The following SPRING1 variants were observed in gnomAD, a reference collection of about 807,000 sequenced individuals.
SPRING1 encodes the protein SREBF pathway regulator in golgi 1.
SPRING1 carries 14 observed loss-of-function variants against 24.7 expected under a neutral mutation model. The ratio of observed to expected loss-of-function variants is 0.57; its 90% confidence interval spans 0.37 to 0.88. SPRING1 has a LOEUF of 0.88. Ranked by LOEUF, SPRING1 falls within the 40% of genes least tolerant of loss-of-function variation. The pLI is 0.00. For synonymous variants in SPRING1, 93 were observed against 106.1 expected (o/e 0.88, Z 0.76); for missense variants, 255 against 268.4 (o/e 0.95, Z 0.35).
At chr12:116,735,645 A>G (rs189712170) in intron 1 of SPRING1, among the ~76,000 whole-genome samples, 40 of 152,106 alleles carry the variant, frequency 2.6e-4, no homozygotes, top group South Asian at 2.1e-3. Flanking sequence ...GGCAGGGAGA[A>G]CTGCTTGAAC....
At chr12:116,737,603 G>A (rs1368692394) in intron 1 of SPRING1, among the ~76,000 whole-genome samples, 187 bp downstream of exon 1, 2 of 147,502 alleles carry the variant, frequency 1.4e-5, no homozygotes, top group African/African-American at 2.5e-5. Flanking sequence ...TAAGGAAGGA[G>A]GGGAGGTAGG....
At chr12:116,737,535 GA>G (rs1871307098) in intron 1 of SPRING1, among the ~76,000 whole-genome samples, 1 of 7,976 alleles carries the variant, frequency 1.3e-4, no homozygotes, top group Non-Finnish European at 3.0e-4. Context: ...GAAGGAGGAG[GA>G]AGGTGAGGAA....
At position 116,728,867 on chromosome 12, in the gene SPRING1, C is replaced by T. The variant is rs1870837290; in HGVS notation, c.112-5644G>A. On this transcript the variant is annotated intron_variant, in intron 1 of 4. Transcript: ENST00000261318. This position sits in a 1 kb window ranked among gnomAD's most constrained non-coding sequence, Gnocchi z 4.2. ...GCATGCAGGAGCGCCTCTGCCAGAG[C>T]ACCCAGGACAGCGGGGCTCAAAAGC... Among the ~76,000 whole-genome samples the T allele has an allele frequency of 6.6e-6, 1 of 152,230 alleles. No individual in the cohort carries two copies. The highest frequency in any genetic ancestry group is 6.5e-5 in the Admixed American group (1 of 15,282).
chr12:116,718,092 A>T (rs1870247858), intron 4 of SPRING1, among the ~76,000 whole-genome samples, 199 bp from the exon 5 acceptor site: 1 of 152,220 alleles, frequency 6.6e-6, no homozygotes, highest in Non-Finnish European at 1.5e-5. Flanking sequence ...GCCAATGAAG[A>T]GCATGAACAC....
intron 3 of SPRING1, 61 bp from the exon 4 acceptor site, chr12:116,719,937 G>GT: frequency 7.1e-7 from 1 of 1,412,078 alleles, no homozygotes; most frequent in Non-Finnish European, 1.0e-6. Context: ...GGTGACCTTG[G>GT]CTATCTCTCC....
At chr12:116,731,901 T>C (rs979334980) in intron 1 of SPRING1, among the ~76,000 whole-genome samples, 1 of 152,160 alleles carries the variant, frequency 6.6e-6, no homozygotes, top group Non-Finnish European at 1.5e-5. Context: ...TGAGGCCCCC[T>C]CTCAGCACAT....
chr12:116,727,222 C>T (rs1039936338), intron 1 of SPRING1, among the ~76,000 whole-genome samples: 1 of 152,154 alleles, frequency 6.6e-6, no homozygotes, highest in African/African-American at 2.4e-5. Flanking sequence ...CAGAGATGAA[C>T]GGCAGTCTGG....
At chr12:116,718,061 G>A (rs1343844445) in intron 4 of SPRING1, among the ~76,000 whole-genome samples, 168 bp from the exon 5 acceptor site, 1 of 152,182 alleles carries the variant, frequency 6.6e-6, no homozygotes, top group Non-Finnish European at 1.5e-5. Flanking sequence ...CTGGAACAAA[G>A]AAGAATGCTC....
intron 1 of SPRING1, among the ~76,000 whole-genome samples, chr12:116,732,368 G>A (rs917299523): frequency 6.6e-6 from 1 of 152,106 alleles, no homozygotes. Context: ...TTAAGCTCAG[G>A]GGTTCAATAC....
intron 1 of SPRING1, among the ~76,000 whole-genome samples, chr12:116,737,339 G>A (rs766680762): frequency 6.6e-6 from 1 of 152,050 alleles, no homozygotes; most frequent in Non-Finnish European, 1.5e-5. Flanking sequence ...GGGAAGGAAG[G>A]AGGAAGAACG....
At chr12:116,727,652 A>C (rs903061282) in intron 1 of SPRING1, among the ~76,000 whole-genome samples, 6 of 152,222 alleles carry the variant, frequency 3.9e-5, no homozygotes, top group Non-Finnish European at 7.3e-5. Flanking sequence ...CTGATAATGG[A>C]AATTTTTAGT....
chr12:116,715,201 T>G lies in SPRING1; in HGVS notation c.*2609A>C, dbSNP rs895111015. The G allele has an allele frequency of 3.3e-5, 5 of 152,218 alleles. No homozygotes were observed. Among genetic ancestry groups the G allele is most frequent in the Admixed American group, 6.5e-5 (1 of 15,278 alleles). 9.4% of individuals were successfully genotyped at this position (152,218 alleles called of 1,614,324 possible). A position where few individuals can be genotyped will look rare whatever the true frequency, so the allele number is the denominator to read the frequency against. The stretch of plus-strand genomic sequence containing the variant: ...CACCTGCCTCAGCCTTCCAAAGTGC[T>G]GGGATTACAGGCATAAGCCACCACG... On this transcript the variant is annotated 3_prime_UTR_variant, in exon 5 of 5. Coordinates refer to ENST00000261318, the MANE Select transcript of SPRING1 (RefSeq NM_024738.4).
rs1869871463 is a variant in SPRING1, at chr12:116,711,503, C to G, written c.*6307G>C. On this transcript the variant is annotated 3_prime_UTR_variant, in exon 5 of 5. Transcript: ENST00000261318. Reference sequence around the variant, plus strand: ...CGAGCCCAGATCGTGCCACTGCACTCCAGCCTGGGCGATGGAACGAGAATC... The same window carrying G: ...CGAGCCCAGATCGTGCCACTGCACTGCAGCCTGGGCGATGGAACGAGAATC... The G allele has an allele frequency of 6.6e-6, 1 of 152,196 alleles. No individual in the cohort carries two copies. The highest frequency in any genetic ancestry group is 2.1e-4 in the South Asian group (1 of 4,812). The allele number at this position is 152,196 out of a possible 1,614,324, so 9.4% of individuals were successfully genotyped here. A position where few individuals can be genotyped will look rare whatever the true frequency, so the allele number is the denominator to read the frequency against.
At chr12:116,731,247 G>A (rs959910182) in intron 1 of SPRING1, among the ~76,000 whole-genome samples, 18 of 152,290 alleles carry the variant, frequency 1.2e-4, no homozygotes, top group Admixed American at 6.5e-4. Context: ...GTCTGCTGCC[G>A]CTGCTTTGAC....
At chr12:116,737,744 A>C (rs1871340508) in intron 1 of SPRING1, 46 bp downstream of exon 1, 13 of 1,411,280 alleles carry the variant, frequency 9.2e-6, no homozygotes, top group Non-Finnish European at 1.2e-5. Context: ...AAGGGGGAGG[A>C]AGGAAGGAAG....
At position 116,737,772 on chromosome 12, in the gene SPRING1, G is replaced by C; in HGVS notation, c.111+18C>G. 6.6e-7 allele frequency: 1 copy of C among 1,518,794 alleles called. No individual in the cohort carries two copies. Among genetic ancestry groups the C allele is most frequent in the Non-Finnish European group, 8.9e-7 (1 of 1,121,794 alleles). The allele number at this position is 1,518,794 out of a possible 1,614,324, so 94.1% of individuals were successfully genotyped here. On this transcript the variant is annotated intron_variant, in intron 1 of 4. Coordinates refer to ENST00000261318, the MANE Select transcript of SPRING1 (RefSeq NM_024738.4). ...GAAGGAAGAAGGGAAGGGGAGGAGG[G>C]GAAGGGCGGCCACTGACCTGCTTGA...
chr12:116,723,261 G>C (rs773101225), intron 1 of SPRING1, 38 bp from the exon 2 acceptor site: 1 of 1,604,880 alleles, frequency 6.2e-7, no homozygotes, highest in South Asian at 1.1e-5. Context: ...TAAGTATCCA[G>C]TATCCTTTCT....
Position 116,720,034 on chromosome 12 carries a change from C to T in SPRING1, c.421-158G>A, listed in dbSNP as rs1870347861. 1.4e-6 allele frequency: 1 copy of T among 712,508 alleles called. No individual in the cohort carries two copies. The highest frequency in any genetic ancestry group is 1.9e-5 in the South Asian group (1 of 52,710). The allele number at this position is 712,508 out of a possible 1,614,324, so 44.1% of individuals were successfully genotyped here. A position where few individuals can be genotyped will look rare whatever the true frequency, so the allele number is the denominator to read the frequency against. On this transcript the variant is annotated intron_variant, in intron 3 of 4. Coordinates refer to ENST00000261318, the MANE Select transcript of SPRING1 (RefSeq NM_024738.4). This position sits in a 1 kb window ranked among gnomAD's most constrained non-coding sequence, Gnocchi z 4.0. Reference sequence around the variant, plus strand: ...AAGGACACACGCGTGCACACACGTGCATGCCAAAACACCCTGGGTATCTTA... The same window carrying T: ...AAGGACACACGCGTGCACACACGTGTATGCCAAAACACCCTGGGTATCTTA...
In SPRING1 at chr12:116,725,746, C is replaced by T. The variant is rs368199616; in HGVS notation, c.112-2523G>A. Reference sequence around the variant, plus strand: ...TAAAAATACAAAAAAATTAGCTGGGCGTGGTGGCGGGCGCCTGTAGTCCCA... The same window carrying T: ...TAAAAATACAAAAAAATTAGCTGGGTGTGGTGGCGGGCGCCTGTAGTCCCA... On this transcript the variant is annotated intron_variant, in intron 1 of 4. Coordinates refer to ENST00000261318, the MANE Select transcript of SPRING1 (RefSeq NM_024738.4). 2.4e-4 allele frequency among the ~76,000 whole-genome samples: 36 copies of T among 152,016 alleles called. No homozygotes were observed. In the East Asian group the frequency reaches 2.5e-3, roughly 11 times the overall value.
Sources: allele counts gnomAD v4.1 joint callset (sites outside exome capture counted in the v4.1 genomes callset), GRCh38; gene constraint gnomAD v4.1.1; non-coding constraint Gnocchi (gnomAD v3.1); transcripts MANE v1.5; gene names NCBI Gene and HGNC (gene_info 2026-07-23, HGNC 2026-07-21).